The following SCPEP1 variants were observed in gnomAD, a reference collection of about 807,000 sequenced individuals.
SCPEP1 encodes retinoid-inducible serine carboxypeptidase.
In SCPEP1, 51 loss-of-function variants were observed where a neutral mutation model predicts 63.8. The observed-to-expected ratio is 0.80, with a 90% confidence interval of 0.64 to 1.01. The LOEUF is 1.01. SCPEP1 is among the 50% of genes least tolerant of loss of function. SCPEP1 has a pLI of 0.00. For missense variants in SCPEP1, 499 were observed against 554.9 expected (o/e 0.90, Z 1.01); for synonymous variants, 204 against 207.8 (o/e 0.98, Z 0.16).
At chr17:56,997,162 A>G (rs1911594229) in intron 9 of SCPEP1, 107 bp downstream of exon 9, 5 of 658,848 alleles carry the variant, frequency 7.6e-6, no homozygotes, top group Admixed American at 3.3e-5. Context: ...TTTGCATACC[A>G]TAAAATTAAC....
In SCPEP1 at chr17:56,996,946, A is replaced by C. The variant is rs1382934702; in HGVS notation, c.787-16A>C. On this transcript the variant is annotated splice_polypyrimidine_tract_variant and intron_variant, in intron 8 of 12. Transcript: ENST00000262288. ...GGAAAATGAAACAAACAGCCAAATA[A>C]ACTTTTATATTTCAGAACACAGATG... The C allele has an allele frequency of 6.4e-7, 1 of 1,567,242 alleles. No homozygotes were observed. The highest frequency in any genetic ancestry group is 8.7e-7 in the Non-Finnish European group (1 of 1,148,276).
rs370573502 is a variant in SCPEP1, at chr17:56,985,454, G to A, written c.302G>A (p.Arg101Gln). 2.4e-5 allele frequency: 38 copies of A among 1,613,728 alleles called. No individual in the cohort carries two copies. Among genetic ancestry groups the A allele is most frequent in the Middle Eastern group, 3.3e-4 (2 of 6,084 alleles). ...CCCCTTGACAGTGATCTCAAACCAC[G>A]GAAAACCACCTGGGTACAGTGAGGA... The part of the protein sequence containing the change: ...IGPLDSDLKP[R>Q]KTTWLQAASL... Residue 101 changes from arginine to glutamine, a missense_variant, in exon 3 of 13, where the codon CGG (arginine) becomes CAG (glutamine). Transcript: ENST00000262288.
chr17:56,998,298 A>G lies in SCPEP1; in HGVS notation c.881-87A>G, dbSNP rs909073462. The G allele has an allele frequency of 2.7e-4, 228 of 850,714 alleles. 3 individuals carry two copies. The highest frequency in any genetic ancestry group is 1.2e-4 in the Non-Finnish European group (61 of 528,312). 52.7% of individuals were successfully genotyped at this position (850,714 alleles called of 1,614,324 possible). On this transcript the variant is annotated intron_variant, in intron 9 of 12. Coordinates refer to ENST00000262288, the MANE Select transcript of SCPEP1 (RefSeq NM_021626.3). ...TGCACTCCAGCCTGGAGACAGAGAG[A>G]GATTCTGTCTCAAAAAAAAAAAAAA...
intron 6 of SCPEP1, among the ~76,000 whole-genome samples, chr17:56,993,150 C>T (rs895471119): frequency 1.3e-5 from 2 of 152,190 alleles, no homozygotes; most frequent in African/African-American, 4.8e-5. Context: ...TGTCACTAAG[C>T]CCATGTGACC....
chr17:56,996,101 A>G (rs1911550207), intron 8 of SCPEP1, among the ~76,000 whole-genome samples: 1 of 152,144 alleles, frequency 6.6e-6, no homozygotes. Flanking sequence ...CACTGCTCAT[A>G]TGAGATGCTC....
At position 57,004,113 on chromosome 17, in the gene SCPEP1, C is replaced by T. The variant is rs552100861; in HGVS notation, c.1296+1932C>T. Among the ~76,000 whole-genome samples, 4 of 152,254 alleles carry T rather than the reference C, an allele frequency of 2.6e-5. No individual in the cohort carries two copies. The East Asian group carries it at 7.7e-4, about 29-fold the overall frequency. On this transcript the variant is annotated intron_variant, in intron 12 of 12. Transcript: ENST00000262288. The stretch of plus-strand genomic sequence containing the variant: ...ACTCAGGAGGCTGAGGCAGGAGAAT[C>T]GCTTGAACCTGGGAGGCAGAGGTTG...
intron 4 of SCPEP1, among the ~76,000 whole-genome samples, 171 bp downstream of exon 4, chr17:56,988,021 A>T (rs1911275653): frequency 6.6e-6 from 1 of 152,236 alleles, no homozygotes; most frequent in African/African-American, 2.4e-5. Context: ...TCTAAAGTTG[A>T]TATTTAACTT....
At chr17:56,995,090 A>G (rs1911507627) in intron 7 of SCPEP1, 72 bp downstream of exon 7, 2 of 1,360,530 alleles carry the variant, frequency 1.5e-6, no homozygotes, top group Non-Finnish European at 2.1e-6. Context: ...ACCCCAGGAA[A>G]AGAGATGCTG....
Position 56,995,503 on chromosome 17 carries a change from C to T in SCPEP1, c.658-4C>T. On this transcript the variant is annotated splice_polypyrimidine_tract_variant and splice_region_variant and intron_variant, in intron 7 of 12. Coordinates refer to ENST00000262288, the MANE Select transcript of SCPEP1 (RefSeq NM_021626.3). Reference sequence around the variant, plus strand: ...GGTCTTTTTGCTCTTGGTTTGCATTCCAGTCTCTTCTCGAAGACAAAGGTC... The same window carrying T: ...GGTCTTTTTGCTCTTGGTTTGCATTTCAGTCTCTTCTCGAAGACAAAGGTC... The T allele has an allele frequency of 6.2e-7, 1 of 1,610,698 alleles. No homozygotes were observed. Among genetic ancestry groups the T allele is most frequent in the Non-Finnish European group, 8.5e-7 (1 of 1,179,022 alleles).
Position 56,985,449 on chromosome 17 carries a change from A to G in SCPEP1, c.297A>G (p.Lys99=), listed in dbSNP as rs146849840. Residue 99 remains lysine (K), a synonymous_variant, in exon 3 of 13, where the codon AAA becomes AAG. Coordinates refer to ENST00000262288, the MANE Select transcript of SCPEP1 (RefSeq NM_021626.3). ...TTGGGCCCCTTGACAGTGATCTCAA[A>G]CCACGGAAAACCACCTGGGTACAGT... ...EEIGPLDSDL[K]PRKTTWLQAA... 5.6e-5 allele frequency: 91 copies of G among 1,613,774 alleles called. No individual in the cohort carries two copies. Among genetic ancestry groups the G allele is most frequent in the Middle Eastern group, 1.6e-4 (1 of 6,084 alleles).
chr17:57,006,037 G>T (rs1011545225), intron 12 of SCPEP1, 136 bp from the exon 13 acceptor site: 2 of 572,202 alleles, frequency 3.5e-6, no homozygotes, highest in African/African-American at 3.8e-5. Context: ...CTCTCTCAGG[G>T]ATGTGCCCAG....
chr17:57,005,777 A>G (rs752528073), intron 12 of SCPEP1, among the ~76,000 whole-genome samples: 2 of 152,174 alleles, frequency 1.3e-5, no homozygotes, highest in Non-Finnish European at 2.9e-5. Context: ...CTTCTCAGCC[A>G]TTTCTCTATT....
chr17:57,002,416 C>CA (rs1385619616), intron 12 of SCPEP1, among the ~76,000 whole-genome samples: 1 of 152,074 alleles, frequency 6.6e-6, no homozygotes, highest in East Asian at 1.9e-4. Context: ...CTTGTCTCTA[C>CA]AAAAAATATG....
intron 12 of SCPEP1, among the ~76,000 whole-genome samples, 193 bp from the exon 13 acceptor site, chr17:57,005,980 C>T (rs1597925260): frequency 6.6e-6 from 1 of 152,178 alleles, no homozygotes; most frequent in Admixed American, 6.5e-5. Flanking sequence ...CCAGTCAGGG[C>T]CCAGAAGAGC....
At chr17:56,995,401 C>T (rs561775685) in intron 7 of SCPEP1, 106 bp from the exon 8 acceptor site, 30 of 1,210,872 alleles carry the variant, frequency 2.5e-5, no homozygotes, top group Non-Finnish European at 2.8e-5. Flanking sequence ...TGTGAGCTCC[C>T]GTTCTCCTTC....
Position 57,006,365 on chromosome 17 carries a change from C to A in SCPEP1, c.*130C>A. ...CTGTGATCAAGAAGGTTCTGACCAGCTTCTGCAGAGGATAAAATCATTGTC... is the reference window on the plus strand; with the variant it reads ...CTGTGATCAAGAAGGTTCTGACCAGATTCTGCAGAGGATAAAATCATTGTC... On this transcript the variant is annotated 3_prime_UTR_variant, in exon 13 of 13. Coordinates refer to ENST00000262288, the MANE Select transcript of SCPEP1 (RefSeq NM_021626.3). The A allele has an allele frequency of 1.8e-6, 1 of 547,124 alleles. No individual in the cohort carries two copies. The highest frequency in any genetic ancestry group is 3.1e-6 in the Non-Finnish European group (1 of 321,068). 33.9% of individuals were successfully genotyped at this position (547,124 alleles called of 1,614,324 possible).
chr17:56,986,275 A>T (rs1911215630), intron 3 of SCPEP1, among the ~76,000 whole-genome samples: 1 of 150,018 alleles, frequency 6.7e-6, no homozygotes, highest in South Asian at 2.1e-4. Flanking sequence ...GCTAGAGTGC[A>T]GTGGCACGAT....
chr17:56,994,945 G>A, intron 6 of SCPEP1, 36 bp from the exon 7 acceptor site: 3 of 1,579,118 alleles, frequency 1.9e-6, no homozygotes, highest in Non-Finnish European at 2.6e-6. Context: ...ACAGAGGTAT[G>A]ACATACTTGA....
At chr17:57,005,020 G>A (rs192024164) in intron 12 of SCPEP1, among the ~76,000 whole-genome samples, 26 of 152,372 alleles carry the variant, frequency 1.7e-4, no homozygotes, top group Middle Eastern at 3.4e-3. Context: ...GCAACAGCAA[G>A]CAACAGCAGC....
Sources: gnomAD v4.1 joint callset for allele counts (sites outside exome capture counted in the v4.1 genomes callset) on GRCh38, gnomAD v4.1.1 for gene constraint, MANE v1.5 for transcripts, NCBI Gene and HGNC (gene_info 2026-07-23, HGNC 2026-07-21) for gene names.